Variants in TMEM131 observed in about 807,000 individuals in gnomAD.
TMEM131 encodes transmembrane protein 131.
In TMEM131, 66 loss-of-function variants were observed where a neutral mutation model predicts 211.6. The observed-to-expected ratio is 0.31, with a 90% confidence interval of 0.26 to 0.38. The LOEUF is 0.38. TMEM131 is among the 10% of genes least tolerant of loss of function. The pLI, the probability that TMEM131 is intolerant of heterozygous loss-of-function variation, is 1.00. For synonymous variants in TMEM131, 844 were observed against 841.3 expected (o/e 1.00, Z -0.06); for missense variants, 2,036 against 2,299.3 (o/e 0.89, Z 2.34).
intron 1 of TMEM131, among the ~76,000 whole-genome samples, chr2:97,967,365 A>G (rs1679103647): frequency 6.6e-6 from 1 of 152,228 alleles, no homozygotes; most frequent in Admixed American, 6.5e-5. Flanking sequence ...ACTGAAAAAT[A>G]TACTGGTTGC....
chr2:97,865,374 A>AT (rs1674230868), intron 4 of TMEM131, among the ~76,000 whole-genome samples: 2 of 152,238 alleles, frequency 1.3e-5, no homozygotes, highest in Admixed American at 1.3e-4. Flanking sequence ...TGTAGGGGGA[A>AT]TTTTTTCATT....
Position 97,794,985 on chromosome 2 carries a change from G to A in TMEM131, c.3331C>T (p.Leu1111=). The A allele has an allele frequency of 6.2e-7, 1 of 1,611,784 alleles. No homozygotes were observed. The highest frequency in any genetic ancestry group is 8.5e-7 in the Non-Finnish European group (1 of 1,178,704). Residue 1111 remains leucine, a synonymous_variant, in exon 29 of 41, where the codon CTA becomes TTA. Coordinates refer to ENST00000186436, the MANE Select transcript of TMEM131 (RefSeq NM_015348.2). ...GCCAGTTCCCAGTTAGGTCTGGGTA[G>A]GGCTTCTGCACAGGTTGCTAACATA... ...YHMLATCAEA[L]PRPNWELALY... is the part of the protein sequence containing the mutation.
intron 1 of TMEM131, among the ~76,000 whole-genome samples, chr2:97,986,675 G>A (rs753553663): frequency 4.6e-5 from 7 of 152,074 alleles, no homozygotes; most frequent in Non-Finnish European, 1.0e-4. Flanking sequence ...CATAACCACT[G>A]CTGCACCCAT....
At chr2:97,888,340 T>C (rs1675245314) in intron 3 of TMEM131, among the ~76,000 whole-genome samples, 1 of 152,222 alleles carries the variant, frequency 6.6e-6, no homozygotes, top group African/African-American at 2.4e-5. Context: ...TCTTCAAAGG[T>C]ATATGCAAAT....
intron 2 of TMEM131, among the ~76,000 whole-genome samples, chr2:97,909,411 C>T: frequency 6.6e-6 from 1 of 151,944 alleles, no homozygotes; most frequent in East Asian, 1.9e-4. Context: ...TAATGCTCTG[C>T]CTTGTAAGGA....
chr2:97,870,299 GTCTA>G (rs768935811), intron 4 of TMEM131, among the ~76,000 whole-genome samples: 2 of 152,066 alleles, frequency 1.3e-5, no homozygotes, highest in African/African-American at 2.4e-5. Context: ...TAGAATTCTG[GTCTA>G]TCTTAGAATT....
rs542186527 is a variant in TMEM131, at chr2:97,776,132, C to T, written c.4145-114G>A. The T allele has an allele frequency of 3.2e-4, 335 of 1,033,962 alleles. 1 individual carries two copies. The African/African-American group carries it at 4.8e-3, about 15-fold the overall frequency. The allele number at this position is 1,033,962 out of a possible 1,614,324, so 64.0% of individuals were successfully genotyped here. A position where few individuals can be genotyped will look rare whatever the true frequency, so the allele number is the denominator to read the frequency against. ...GCAGTGGCGAGATCTTGGCTCACTGCAAGCTCCGCCTCCCGGGTTCACACC... is the reference window on the plus strand; with the variant it reads ...GCAGTGGCGAGATCTTGGCTCACTGTAAGCTCCGCCTCCCGGGTTCACACC... On this transcript the variant is annotated intron_variant, in intron 31 of 40. Transcript: ENST00000186436.
intron 12 of TMEM131, 132 bp downstream of exon 12, chr2:97,818,481 G>GGGGGAAAAAAAAAAA: frequency 6.8e-6 from 2 of 292,094 alleles, no homozygotes; most frequent in Middle Eastern, 1.3e-3. Flanking sequence ...GGCGGGGGGG[G>GGGGGAAAAAAAAAAA]ATCAACCTAA....
intron 2 of TMEM131, among the ~76,000 whole-genome samples, chr2:97,913,809 A>G (rs927111938): frequency 4.6e-5 from 7 of 152,210 alleles, no homozygotes; most frequent in Admixed American, 1.3e-4. Context: ...CAGGCAGCAC[A>G]TGCACACAAA....
At chr2:97,927,670 TA>T (rs1469891319) in intron 1 of TMEM131, among the ~76,000 whole-genome samples, 183 bp from the exon 2 acceptor site, 3 of 152,044 alleles carry the variant, frequency 2.0e-5, no homozygotes, top group Non-Finnish European at 4.4e-5. Context: ...TACTTTAAAA[TA>T]AAACAAATAA....
At chr2:97,807,365 TTCTG>T (rs1160715950) in intron 19 of TMEM131, among the ~76,000 whole-genome samples, 7 of 152,138 alleles carry the variant, frequency 4.6e-5, no homozygotes, top group Non-Finnish European at 4.4e-5. Flanking sequence ...GCTTGGTGCG[TTCTG>T]ACCTCGTAGT....
intron 4 of TMEM131, among the ~76,000 whole-genome samples, chr2:97,869,795 CT>C (rs1178885481): frequency 6.6e-6 from 1 of 152,186 alleles, no homozygotes; most frequent in African/African-American, 2.4e-5. Context: ...CAATGTGTTG[CT>C]TTTCTATACT....
rs1484712219 is a variant in TMEM131, at chr2:97,805,636, A to G, written c.2123T>C (p.Ile708Thr). ...TCGCACATCTTCTGACAAAGATCGT[A>G]TTTGCTGTATTTTTACCTTCTGTGA... ...SFSQKVKIQQ[I>T]RSLSEDVRFY... The change falls in exon 20 of 41, where the codon ATA (isoleucine) becomes ACA (threonine). Residue 708 changes from isoleucine to threonine, a missense_variant. By Grantham distance (89) the Ile-to-Thr change is moderately conservative. Around this residue, in one of 3 missense-constraint regions of TMEM131, gnomAD observed 1,623 missense variants for 1,805.9 expected, o/e 0.90. Coordinates refer to ENST00000186436, the MANE Select transcript of TMEM131 (RefSeq NM_015348.2). 5.0e-6 allele frequency: 8 copies of G among 1,611,158 alleles called. No individual in the cohort carries two copies. The highest frequency in any genetic ancestry group is 6.8e-6 in the Non-Finnish European group (8 of 1,177,808).
rs57343769 is a variant in TMEM131, at chr2:97,920,970, AGTGTGTGT to A, written c.249+6448_249+6455del. On this transcript the variant is annotated intron_variant, in intron 2 of 40. Coordinates refer to ENST00000186436, the MANE Select transcript of TMEM131 (RefSeq NM_015348.2). The stretch of plus-strand genomic sequence containing the variant: ...TGAGTGACGCTAATAAAAAATCCCG[AGTGTGTGT>A]GTGTGTGTGTGTGTGTGTGTGTGTG... 6.1e-4 allele frequency among the ~76,000 whole-genome samples: 89 copies of A among 146,710 alleles called. 1 individual carries two copies. Among genetic ancestry groups the A allele is most frequent in the African/African-American group, 1.3e-3 (53 of 39,526 alleles).
chr2:97,886,221 T>C (rs1675151226), intron 4 of TMEM131, among the ~76,000 whole-genome samples: 1 of 152,172 alleles, frequency 6.6e-6, no homozygotes, highest in Non-Finnish European at 1.5e-5. Flanking sequence ...ACTGAGATTC[T>C]TTAAGATTAT....
chr2:97,814,497 T>G, intron 13 of TMEM131, 109 bp from the exon 14 acceptor site: 1 of 1,101,518 alleles, frequency 9.1e-7, no homozygotes, highest in South Asian at 1.9e-5. Context: ...GCATTAGGGA[T>G]TGTATTAAAG....
chr2:97,817,478 C>T (rs915840538), intron 12 of TMEM131, among the ~76,000 whole-genome samples: 4 of 152,196 alleles, frequency 2.6e-5, no homozygotes, highest in Admixed American at 1.3e-4. Flanking sequence ...CAATGTACCT[C>T]GTGATACTGA....
At chr2:97,985,124 T>C (rs971015064) in intron 1 of TMEM131, among the ~76,000 whole-genome samples, 2 of 152,118 alleles carry the variant, frequency 1.3e-5, no homozygotes, top group African/African-American at 4.8e-5. Flanking sequence ...AACATCTAAC[T>C]TCAACCAACT....
intron 24 of TMEM131, 99 bp downstream of exon 24, chr2:97,802,317 TTCTCGTCAAATC>T: frequency 2.3e-6 from 2 of 852,592 alleles, no homozygotes; most frequent in Admixed American, 6.4e-5. Flanking sequence ...GATCCAGAAC[TTCTCGTCAAATC>T]TATTAATCTG....
Sources: gnomAD v4.1 joint callset for allele counts (sites outside exome capture counted in the v4.1 genomes callset) on GRCh38, gnomAD v4.1.1 for gene constraint, gnomAD v4.1.1 regional missense constraint, MANE v1.5 for transcripts, NCBI Gene and HGNC (gene_info 2026-07-23, HGNC 2026-07-21) for gene names.